The following CTNND2 variants were observed in gnomAD, a reference collection of about 807,000 sequenced individuals.
CTNND2 encodes the protein catenin delta-2.
CTNND2 carries 22 observed loss-of-function variants against 144.4 expected under a neutral mutation model. That is an observed-to-expected ratio of 0.15 (90% CI 0.11 to 0.22). The LOEUF is 0.22. CTNND2 is among the 10% of genes least tolerant of loss of function. CTNND2 has a pLI of 1.00. For synonymous variants in CTNND2, 751 were observed against 695.6 expected (o/e 1.08, Z -1.25); for missense variants, 1,353 against 1,618.8 (o/e 0.84, Z 2.82).
intron 3 of CTNND2, among the ~76,000 whole-genome samples, chr5:11,441,609 C>T (rs561399317): frequency 1.3e-5 from 2 of 150,662 alleles, no homozygotes; most frequent in Non-Finnish European, 3.0e-5. Context: ...GTCTCGAACT[C>T]CTGACCTGGT....
chr5:11,865,798 G>C (rs867745367), intron 1 of CTNND2, among the ~76,000 whole-genome samples: 13 of 150,482 alleles, frequency 8.6e-5, no homozygotes, highest in South Asian at 4.2e-4. Flanking sequence ...GAGAACTATA[G>C]ACGTAATGTG....
intron 2 of CTNND2, among the ~76,000 whole-genome samples, chr5:11,709,651 C>T (rs1785910743): frequency 6.6e-6 from 1 of 152,090 alleles, no homozygotes; most frequent in African/African-American, 2.4e-5. Context: ...GCAATAAGAG[C>T]AGTGCAGAGA....
intron 10 of CTNND2, among the ~76,000 whole-genome samples, chr5:11,228,520 C>T (rs1431518737): frequency 2.0e-5 from 3 of 147,636 alleles, no homozygotes; most frequent in Non-Finnish European, 4.5e-5. Context: ...GAGTCTTACT[C>T]TGTCACCCAG....
chr5:11,129,334 T>C (rs1181982132), intron 12 of CTNND2, among the ~76,000 whole-genome samples: 2 of 114,130 alleles, frequency 1.8e-5, no homozygotes, highest in African/African-American at 6.8e-5. Flanking sequence ...TATATATATA[T>C]GCATCAAAAT....
intron 2 of CTNND2, among the ~76,000 whole-genome samples, chr5:11,617,264 G>A (rs1780624030): frequency 1.3e-5 from 2 of 152,104 alleles, no homozygotes; most frequent in Admixed American, 1.3e-4. Context: ...TTGAGTCATT[G>A]ACCTCTACTG....
intron 9 of CTNND2, 78 bp downstream of exon 9, chr5:11,346,294 A>G: frequency 2.3e-6 from 3 of 1,279,730 alleles, no homozygotes; most frequent in Non-Finnish European, 3.1e-6. Flanking sequence ...TAAATGCAAC[A>G]TGACGTGAAA....
At chr5:11,751,421 G>A (rs141663800) in intron 1 of CTNND2, among the ~76,000 whole-genome samples, 1 of 151,872 alleles carries the variant, frequency 6.6e-6, no homozygotes, top group East Asian at 1.9e-4. Flanking sequence ...AGTGTCTGTT[G>A]TTCCCTTCTT....
At chr5:11,419,022 C>CTATAGATATATATATAGATATATATCTA (rs1387340790) in intron 3 of CTNND2, among the ~76,000 whole-genome samples, 1 of 125,778 alleles carries the variant, frequency 8.0e-6, no homozygotes, top group Non-Finnish European at 1.7e-5. Context: ...ATATAGATGT[C>CTATAGATATATATATAGATATATATCTA]TATCTATATA....
intron 3 of CTNND2, among the ~76,000 whole-genome samples, chr5:11,464,438 G>T (rs1223255056): frequency 6.6e-6 from 1 of 152,092 alleles, no homozygotes; most frequent in African/African-American, 2.4e-5. Flanking sequence ...CCCAAGGTTA[G>T]AGCACCTGCA....
At chr5:11,297,463 T>G (rs1174974277) in intron 9 of CTNND2, among the ~76,000 whole-genome samples, 1 of 152,134 alleles carries the variant, frequency 6.6e-6, no homozygotes, top group African/African-American at 2.4e-5. Context: ...TTAAAGACAT[T>G]TGCAAAATTA....
intron 11 of CTNND2, among the ~76,000 whole-genome samples, chr5:11,170,311 C>T (rs72730920): frequency 5.3e-4 from 80 of 152,254 alleles, no homozygotes; most frequent in Non-Finnish European, 9.4e-4. Flanking sequence ...GTTCCCTTTT[C>T]GCCCAGGTAA....
chr5:11,208,801 A>C (rs1342524727), intron 10 of CTNND2, among the ~76,000 whole-genome samples: 4 of 152,200 alleles, frequency 2.6e-5, no homozygotes, highest in African/African-American at 9.6e-5. Context: ...TTATAAACAA[A>C]CTTAAAGTCG....
chr5:11,228,347 C>A (rs1384159453), intron 10 of CTNND2, among the ~76,000 whole-genome samples: 1 of 100,716 alleles, frequency 9.9e-6, no homozygotes, highest in Non-Finnish European at 1.9e-5. Context: ...CTGTCTCTCT[C>A]TCTCTCAAAA....
intron 9 of CTNND2, among the ~76,000 whole-genome samples, chr5:11,290,526 A>G (rs1324242468): frequency 6.6e-6 from 1 of 152,224 alleles, no homozygotes; most frequent in Admixed American, 6.5e-5. Context: ...CATTTCATCC[A>G]TAAATGAGTG....
intron 6 of CTNND2, among the ~76,000 whole-genome samples, chr5:11,388,371 T>C (rs1581087781): frequency 1.3e-5 from 2 of 152,328 alleles, no homozygotes; most frequent in South Asian, 4.1e-4. Context: ...GCTGAACACA[T>C]GGGCTGATTG....
intron 9 of CTNND2, among the ~76,000 whole-genome samples, chr5:11,259,650 C>A (rs1041804394): frequency 3.7e-4 from 57 of 152,292 alleles, no homozygotes; most frequent in African/African-American, 1.3e-3. Flanking sequence ...ATAGGAAGAG[C>A]TTTTGCTATG....
chr5:11,299,028 A>C (rs559444362), intron 9 of CTNND2, among the ~76,000 whole-genome samples: 121 of 152,310 alleles, frequency 7.9e-4, no homozygotes, highest in African/African-American at 2.9e-3. Flanking sequence ...TGGTACAAAC[A>C]CATAAATGCT....
At chr5:11,342,733 T>G (rs961895942) in intron 9 of CTNND2, among the ~76,000 whole-genome samples, 5 of 152,222 alleles carry the variant, frequency 3.3e-5, no homozygotes, top group African/African-American at 9.6e-5. Context: ...AGTCTTGCTG[T>G]GTTTTTTTCC....
In CTNND2 at chr5:11,779,949, C is replaced by T. The variant is rs553549251; in HGVS notation, c.38-47677G>A. The stretch of plus-strand genomic sequence containing the variant: ...ACCTTTCCCTGCAACTGCCCTCTCT[C>T]TTCTCTCTTTTATCCCACTAGGATT... On this transcript the variant is annotated intron_variant, in intron 1 of 21. Coordinates refer to ENST00000304623, the MANE Select transcript of CTNND2 (RefSeq NM_001332.4). 9.8e-5 allele frequency among the ~76,000 whole-genome samples: 15 copies of T among 152,328 alleles called. No homozygotes were observed. In the South Asian group the frequency reaches 3.1e-3, roughly 32 times the overall value.
Sources: allele counts gnomAD v4.1 joint callset (sites outside exome capture counted in the v4.1 genomes callset), GRCh38; gene constraint gnomAD v4.1.1; transcripts MANE v1.5; gene names NCBI Gene and HGNC (gene_info 2026-07-23, HGNC 2026-07-21).